The following ARFIP1 variants were observed in gnomAD, a reference collection of about 807,000 sequenced individuals.
ARFIP1 encodes the protein arfaptin-1.
ARFIP1 carries 24 observed loss-of-function variants against 42.5 expected under a neutral mutation model. The ratio of observed to expected loss-of-function variants is 0.57; its 90% CI spans 0.41 to 0.80. ARFIP1 has a LOEUF of 0.80. Among genes scored for constraint, ARFIP1 ranks in the 30% least tolerant of loss-of-function variants. The pLI is 0.00. For missense variants in ARFIP1, 354 were observed against 434.0 expected (o/e 0.82, Z 1.64); for synonymous variants, 141 against 153.7 (o/e 0.92, Z 0.61).
intron 2 of ARFIP1, among the ~76,000 whole-genome samples, chr4:152,833,606 A>ATAGG (rs1561130137): frequency 1.3e-5 from 2 of 152,260 alleles, no homozygotes; most frequent in Non-Finnish European, 2.9e-5. Context: ...AAATATGGAA[A>ATAGG]TAACCTAAGT....
intron 5 of ARFIP1, 37 bp from the exon 6 acceptor site, chr4:152,880,926 T>C: frequency 6.5e-7 from 1 of 1,540,376 alleles, no homozygotes; most frequent in Non-Finnish European, 8.9e-7. Context: ...TTTGTTTTGT[T>C]TTTTCTTTCT....
At chr4:152,906,527 C>T (rs984931867) in intron 8 of ARFIP1, among the ~76,000 whole-genome samples, 2 of 152,180 alleles carry the variant, frequency 1.3e-5, no homozygotes, top group African/African-American at 4.8e-5. Context: ...TATTCAGAAT[C>T]CCACCTCTTC....
At chr4:152,867,002 A>G (rs1734444878) in intron 3 of ARFIP1, among the ~76,000 whole-genome samples, 1 of 146,940 alleles carries the variant, frequency 6.8e-6, no homozygotes, top group Non-Finnish European at 1.5e-5. Flanking sequence ...GACGCTCCTC[A>G]CTTTCCAGAC....
At chr4:152,786,208 G>A (rs1730799075) in intron 1 of ARFIP1, among the ~76,000 whole-genome samples, 1 of 152,152 alleles carries the variant, frequency 6.6e-6, no homozygotes, top group Non-Finnish European at 1.5e-5. Context: ...TTCATTAAGG[G>A]CATGAGTGTT....
chr4:152,862,259 C>A (rs1006332813), intron 2 of ARFIP1, among the ~76,000 whole-genome samples: 2 of 152,120 alleles, frequency 1.3e-5, no homozygotes, highest in African/African-American at 4.8e-5. Flanking sequence ...TCCAGCGTTC[C>A]ATATCATCCA....
intron 8 of ARFIP1, among the ~76,000 whole-genome samples, chr4:152,889,778 ATATAC>A (rs1172457359): frequency 2.0e-3 from 45 of 22,418 alleles, no homozygotes; most frequent in East Asian, 0.013. Flanking sequence ...TATATACTAT[ATATAC>A]TATATATTAT....
chr4:152,843,330 T>C (rs1732252195), intron 2 of ARFIP1, among the ~76,000 whole-genome samples: 1 of 152,078 alleles, frequency 6.6e-6, no homozygotes, highest in Non-Finnish European at 1.5e-5. Context: ...TGGCAGAGGG[T>C]GCAATGGACT....
chr4:152,877,247 C>T (rs538535481), intron 5 of ARFIP1, among the ~76,000 whole-genome samples: 13 of 152,180 alleles, frequency 8.5e-5, no homozygotes, highest in Non-Finnish European at 1.2e-4. Context: ...GAAGGCTGTA[C>T]CCTGAAAAGG....
rs113364102 is a variant in ARFIP1 at position 152,832,677 on chromosome 4, G to C, written c.93+2951G>C. 1.7e-3 allele frequency among the ~76,000 whole-genome samples: 263 copies of C among 152,164 alleles called. 1 individual carries two copies. The highest frequency in any genetic ancestry group is 3.4e-3 in the Middle Eastern group (1 of 294). The stretch of plus-strand genomic sequence containing the variant: ...TACTTCAGTATCTTGAAGACACTTT[G>C]TTTCTTCTAAAAGTTGTGTTGTTTT... On this transcript the variant is annotated intron_variant, in intron 2 of 8. Transcript: ENST00000353617.
intron 5 of ARFIP1, among the ~76,000 whole-genome samples, chr4:152,873,826 C>A (rs747630416): frequency 1.3e-5 from 2 of 152,110 alleles, no homozygotes; most frequent in Non-Finnish European, 2.9e-5. Flanking sequence ...CAGTCAATCC[C>A]CACTGTTTTT....
intron 2 of ARFIP1, among the ~76,000 whole-genome samples, chr4:152,848,637 T>C (rs1732750483): frequency 7.1e-6 from 1 of 140,650 alleles, no homozygotes; most frequent in African/African-American, 2.5e-5. Flanking sequence ...CTCCAACTCC[T>C]ACCCCCACCA....
At chr4:152,883,390 GCCAGA>G (rs945830686) in intron 7 of ARFIP1, 3 of 151,998 alleles carry the variant, frequency 2.0e-5, no homozygotes, top group African/African-American at 7.3e-5. Flanking sequence ...TTCCACAATA[GCCAGA>G]CCCATACTTT....
chr4:152,899,527 C>G (rs959839004), intron 8 of ARFIP1, among the ~76,000 whole-genome samples: 1 of 152,186 alleles, frequency 6.6e-6, no homozygotes, highest in African/African-American at 2.4e-5. Context: ...CTTACCTACC[C>G]TTTTGTACCT....
intron 1 of ARFIP1, among the ~76,000 whole-genome samples, chr4:152,804,894 T>C (rs1728882669): frequency 6.6e-6 from 1 of 152,212 alleles, no homozygotes; most frequent in African/African-American, 2.4e-5. Flanking sequence ...GGATACATTA[T>C]TTAAATTAGT....
At chr4:152,888,027 A>G (rs765536120) in intron 7 of ARFIP1, 106 bp from the exon 8 acceptor site, 2 of 723,568 alleles carry the variant, frequency 2.8e-6, no homozygotes, top group Non-Finnish European at 4.1e-6. Context: ...AGAATTTTAT[A>G]TATTTTATTG....
At chr4:152,847,888 A>G (rs1168149792) in intron 2 of ARFIP1, among the ~76,000 whole-genome samples, 1 of 152,224 alleles carries the variant, frequency 6.6e-6, no homozygotes, top group African/African-American at 2.4e-5. Flanking sequence ...GGCCCAAAAC[A>G]AAAATCCACT....
intron 1 of ARFIP1, among the ~76,000 whole-genome samples, chr4:152,790,278 T>C (rs1731070594): frequency 6.6e-6 from 1 of 152,180 alleles, no homozygotes; most frequent in African/African-American, 2.4e-5. Context: ...ACAAAAGCAG[T>C]TCAGATAATA....
intron 8 of ARFIP1, among the ~76,000 whole-genome samples, chr4:152,905,318 G>A (rs977715271): frequency 3.3e-5 from 5 of 152,014 alleles, no homozygotes; most frequent in Non-Finnish European, 5.9e-5. Context: ...GTGTATGATA[G>A]TTTCAGTTGC....
At chr4:152,820,682 C>T (rs1440841798) in intron 1 of ARFIP1, among the ~76,000 whole-genome samples, 1 of 152,196 alleles carries the variant, frequency 6.6e-6, no homozygotes, top group African/African-American at 2.4e-5. Flanking sequence ...ATCGCAAGAA[C>T]AGCAAGGGGG....
Sources: gnomAD v4.1 joint callset for allele counts (sites outside exome capture counted in the v4.1 genomes callset) on GRCh38, gnomAD v4.1.1 for gene constraint, MANE v1.5 for transcripts, NCBI Gene and HGNC (gene_info 2026-07-23, HGNC 2026-07-21) for gene names.